The following GRIN2D variants were observed in gnomAD, a reference collection of about 807,000 sequenced individuals.
GRIN2D encodes the protein glutamate receptor ionotropic, NMDA 2D.
GRIN2D carries 37 observed loss-of-function variants against 103.2 expected under a neutral mutation model. The ratio of observed to expected loss-of-function variants is 0.36; its 90% CI spans 0.28 to 0.47. The LOEUF is 0.47. Ranked by LOEUF, GRIN2D falls within the 20% of genes least tolerant of loss-of-function variation. The pLI is 1.00. For missense variants in GRIN2D, 1,557 were observed against 1,910.6 expected (o/e 0.81, Z 3.45); for synonymous variants, 845 against 885.6 (o/e 0.95, Z 0.81).
chr19:48,425,487 C>T (rs904306630), intron 11 of GRIN2D, among the ~76,000 whole-genome samples: 1 of 152,190 alleles, frequency 6.6e-6, no homozygotes, highest in African/African-American at 2.4e-5. Context: ...AGTGATTCAC[C>T]TGCTTCGGCC....
rs1217218422 is a variant in GRIN2D, at chr19:48,393,820, T to C, written c.-354T>C. Among the ~76,000 whole-genome samples the C allele has an allele frequency of 6.6e-6, 1 of 151,594 alleles. No homozygotes were observed. The highest frequency in any genetic ancestry group is 1.5e-5 in the Non-Finnish European group (1 of 67,888). On this transcript the variant is annotated 5_prime_UTR_variant, in exon 1 of 14. Coordinates refer to ENST00000263269, the MANE Select transcript of GRIN2D (RefSeq NM_000836.4). The surrounding 1 kb of genome is among the most constrained non-coding windows in gnomAD (Gnocchi z 5.6). Reference sequence around the variant, plus strand: ...GTGCCTGCTGGGGGTGTTGCCTGGGTAGGTCGGCCCGGCCCCCAGGGGTCT... The same window carrying C: ...GTGCCTGCTGGGGGTGTTGCCTGGGCAGGTCGGCCCGGCCCCCAGGGGTCT...
In GRIN2D at chr19:48,421,749, C is replaced by T. The variant is rs751124553; in HGVS notation, c.2092-36C>T. 23 of 1,587,640 alleles carry T rather than the reference C, an allele frequency of 1.4e-5. No individual in the cohort carries two copies. In the Admixed American group the frequency reaches 1.5e-4, roughly 11 times the overall value. ...GTGATTTATGTTAGGGATGTCCCTGCGGAGGGTGCCCTAATCACTCCCCAT... is the reference window on the plus strand; with the variant it reads ...GTGATTTATGTTAGGGATGTCCCTGTGGAGGGTGCCCTAATCACTCCCCAT... On this transcript the variant is annotated intron_variant, in intron 10 of 13. Transcript: ENST00000263269. This position sits in a 1 kb window ranked among gnomAD's most constrained non-coding sequence, Gnocchi z 4.8.
intron 4 of GRIN2D, among the ~76,000 whole-genome samples, chr19:48,406,033 A>G (rs543727364): frequency 1.5e-4 from 23 of 152,336 alleles, no homozygotes; most frequent in Middle Eastern, 3.4e-3. Context: ...GAACGTAGTC[A>G]TATGGTCAGG....
chr19:48,420,619 A>G (rs1375106291), intron 10 of GRIN2D, among the ~76,000 whole-genome samples: 1 of 152,076 alleles, frequency 6.6e-6, no homozygotes, highest in Non-Finnish European at 1.5e-5. Context: ...TGAGGTCAGG[A>G]GTTCGAGACC....
Position 48,405,372 on chromosome 19 carries a change from G to C in GRIN2D, c.1085+19G>C, listed in dbSNP as rs1970779187. 4 of 1,532,846 alleles carry C rather than the reference G, an allele frequency of 2.6e-6. No homozygotes were observed. The Admixed American group carries it at 7.3e-5, about 28-fold the overall frequency. The allele number at this position is 1,532,846 out of a possible 1,614,324, so 95.0% of individuals were successfully genotyped here. On this transcript the variant is annotated intron_variant, in intron 4 of 13. Transcript: ENST00000263269. The surrounding 1 kb of genome is among the most constrained non-coding windows in gnomAD (Gnocchi z 5.1). ...TGCATAGGTGAGTGGGGCTGGAATG[G>C]GAGGGGTGTGGGAGGGCTCCCAGAG...
Position 48,443,628 on chromosome 19 carries a change from C to T in GRIN2D, c.3702C>T (p.His1234=). ...ARCGCPRSHP[H]RPRASHRTPA... Reference sequence around the variant, plus strand: ...GCGGGTGCCCGCGGTCGCACCCGCACCGCCCGCGGGCCTCGCACCGCACGC... The same window carrying T: ...GCGGGTGCCCGCGGTCGCACCCGCATCGCCCGCGGGCCTCGCACCGCACGC... Residue 1234 remains histidine (H), a synonymous_variant, in exon 14 of 14, where the codon CAC becomes CAT. Transcript: ENST00000263269. The surrounding 1 kb of genome is among the most constrained non-coding windows in gnomAD (Gnocchi z 8.9). The T allele has an allele frequency of 9.3e-7, 1 of 1,080,272 alleles. No homozygotes were observed. Among genetic ancestry groups the T allele is most frequent in the African/African-American group, 1.7e-5 (1 of 58,714 alleles). 66.9% of individuals were successfully genotyped at this position (1,080,272 alleles called of 1,614,324 possible). A position where few individuals can be genotyped will look rare whatever the true frequency, so the allele number is the denominator to read the frequency against.
intron 4 of GRIN2D, among the ~76,000 whole-genome samples, chr19:48,407,651 T>C (rs1395333736): frequency 6.6e-6 from 1 of 152,218 alleles, no homozygotes; most frequent in African/African-American, 2.4e-5. Context: ...GTCTGCTATG[T>C]GCCAAGCATT....
chr19:48,433,951 C>CTT (rs778701949), intron 11 of GRIN2D, among the ~76,000 whole-genome samples: 8 of 140,228 alleles, frequency 5.7e-5, no homozygotes, highest in Non-Finnish European at 9.4e-5. Flanking sequence ...CGCTTCTTTT[C>CTT]TTTTTTTTTT....
intron 11 of GRIN2D, among the ~76,000 whole-genome samples, chr19:48,437,428 T>A (rs1160600128): frequency 6.6e-6 from 1 of 151,772 alleles, no homozygotes; most frequent in Non-Finnish European, 1.5e-5. Context: ...AATGGCTGAG[T>A]TTTAATAGAT....
intron 2 of GRIN2D, among the ~76,000 whole-genome samples, chr19:48,395,854 G>A (rs2147430909): frequency 6.6e-6 from 1 of 152,194 alleles, no homozygotes; most frequent in East Asian, 1.9e-4. Context: ...GGGAGCTGGG[G>A]ACCTGGACTC....
chr19:48,400,363 T>C (rs1970696497), intron 3 of GRIN2D, among the ~76,000 whole-genome samples: 1 of 152,202 alleles, frequency 6.6e-6, no homozygotes, highest in South Asian at 2.1e-4. Flanking sequence ...ATCACTGTTG[T>C]ATGCAGAGGC....
intron 11 of GRIN2D, among the ~76,000 whole-genome samples, chr19:48,440,846 C>G (rs952513036): frequency 6.6e-6 from 1 of 152,024 alleles, no homozygotes; most frequent in African/African-American, 2.4e-5. Context: ...GCCACCACAC[C>G]TGGCTAATTT....
In GRIN2D at chr19:48,444,145, C is replaced by G; in HGVS notation, c.*208C>G. The G allele has an allele frequency of 7.4e-6, 3 of 406,802 alleles. No individual in the cohort carries two copies. Among genetic ancestry groups the G allele is most frequent in the Non-Finnish European group, 1.3e-5 (3 of 230,522 alleles). The allele number at this position is 406,802 out of a possible 1,614,324, so 25.2% of individuals were successfully genotyped here. On this transcript the variant is annotated 3_prime_UTR_variant, in exon 14 of 14. Transcript: ENST00000263269. The surrounding 1 kb of genome is among the most constrained non-coding windows in gnomAD (Gnocchi z 5.5). ...CCTCAACTATCACCCAGCCTGAGAA[C>G]GAGGGGGCGGGGGCCTTGGAGCCCA...
intron 3 of GRIN2D, among the ~76,000 whole-genome samples, chr19:48,402,723 CAAAAAAAAA>C (rs773669453): frequency 1.0e-3 from 43 of 43,134 alleles, no homozygotes; most frequent in African/African-American, 3.3e-3. Context: ...GACTCCGTCT[CAAAAAAAAA>C]AAAAAAAAAA....
At chr19:48,424,265 ATTTT>A (rs569050730) in intron 11 of GRIN2D, among the ~76,000 whole-genome samples, 4 of 101,382 alleles carry the variant, frequency 3.9e-5, no homozygotes, top group African/African-American at 5.2e-5. Flanking sequence ...AAAAAAAAAA[ATTTT>A]TTTTTTTTTT....
At chr19:48,400,745 G>A (rs1021870895) in intron 3 of GRIN2D, among the ~76,000 whole-genome samples, 2 of 152,152 alleles carry the variant, frequency 1.3e-5, no homozygotes, top group African/African-American at 4.8e-5. Flanking sequence ...CCTGCTGAAG[G>A]AAGAGGTTCT....
At position 48,419,265 on chromosome 19, in the gene GRIN2D, G is replaced by A. The variant is rs1569065605; in HGVS notation, c.1767G>A (p.Met589Ile). Reference sequence around the variant, plus strand: ...ACAGCCCCGCCGTGTGGGTGATGATGTTCGTCATGTGCCTCACTGTGGTCG... The same window carrying A: ...ACAGCCCCGCCGTGTGGGTGATGATATTCGTCATGTGCCTCACTGTGGTCG... ...EPYSPAVWVM[M>I]FVMCLTVVAV... The change falls in exon 9 of 14, where the codon ATG becomes ATA. Residue 589 changes from methionine to isoleucine, a missense_variant. By Grantham distance (10) the Met-to-Ile change is conservative. This residue lies in a region of GRIN2D where 197 missense variants were observed against 334.1 expected (regional missense o/e 0.59). Transcript: ENST00000263269. 6.2e-7 allele frequency: 1 copy of A among 1,611,294 alleles called. No individual in the cohort carries two copies. Among genetic ancestry groups the A allele is most frequent in the Non-Finnish European group, 8.5e-7 (1 of 1,179,608 alleles).
intron 2 of GRIN2D, among the ~76,000 whole-genome samples, chr19:48,398,047 C>T (rs573894790): frequency 2.6e-4 from 40 of 151,172 alleles, no homozygotes; most frequent in African/African-American, 9.2e-4. Context: ...CTCCCTCTGT[C>T]TCTGCCTGTC....
intron 11 of GRIN2D, among the ~76,000 whole-genome samples, chr19:48,431,887 C>G (rs1007771326): frequency 6.7e-6 from 1 of 149,226 alleles, no homozygotes; most frequent in African/African-American, 2.5e-5. Flanking sequence ...GCCCGGCCTG[C>G]TTTCCTTTCT....
Sources: allele counts gnomAD v4.1 joint callset (sites outside exome capture counted in the v4.1 genomes callset), GRCh38; gene constraint gnomAD v4.1.1; regional missense constraint gnomAD v4.1.1; non-coding constraint Gnocchi (gnomAD v3.1); transcripts MANE v1.5; gene names NCBI Gene and HGNC (gene_info 2026-07-23, HGNC 2026-07-21).